DMRT3: variants seen among roughly 807,000 people sequenced by gnomAD.
DMRT3 encodes the protein doublesex and mab-3 related transcription factor 3.
A neutral mutation model predicts 34.9 loss-of-function variants in DMRT3; 29 were observed. That is an observed-to-expected ratio of 0.83 (90% CI 0.62 to 1.13). The LOEUF (loss-of-function observed/expected upper bound fraction) is 1.13. Among genes scored for constraint, DMRT3 ranks in the 50% most tolerant of loss-of-function variants. The pLI, the probability that DMRT3 is intolerant of heterozygous loss-of-function variation, is 0.00. For synonymous variants in DMRT3, 350 were observed against 286.0 expected, an observed-to-expected ratio of 1.22 and a Z score of -2.26; for missense variants, 772 against 629.1, an observed-to-expected ratio of 1.23 and a Z score of -2.43.
At chr9:988,017 T>C (rs961657035) in intron 1 of DMRT3, among the ~76,000 whole-genome samples, 3 of 152,196 alleles carry the variant, frequency 2.0e-5, no homozygotes, top group African/African-American at 4.8e-5. Flanking sequence ...AGAAGCCTTT[T>C]TGTTGCTGTT....
In DMRT3 at chr9:991,299, G is replaced by A. The variant is rs772400873; in HGVS notation, c.*294G>A. Reference sequence around the variant, plus strand: ...GTCCGTGGAAGATTTATTTGGGGATGTAAAGCTGAAGGTCAGCCTTGCACC... The same window carrying A: ...GTCCGTGGAAGATTTATTTGGGGATATAAAGCTGAAGGTCAGCCTTGCACC... On this transcript the variant is annotated 3_prime_UTR_variant, in exon 2 of 2. Coordinates refer to ENST00000190165, the MANE Select transcript of DMRT3 (RefSeq NM_021240.4). 3.7e-6 allele frequency: 1 copy of A among 271,714 alleles called. No individual in the cohort carries two copies. The highest frequency in any genetic ancestry group is 6.9e-6 in the Non-Finnish European group (1 of 145,312). 16.8% of individuals were successfully genotyped at this position (271,714 alleles called of 1,614,324 possible).
chr9:990,577 G>C lies in DMRT3; in HGVS notation c.991G>C (p.Gly331Arg), dbSNP rs979992174. Reference protein sequence around the residue: ...YPISSSKWSVGSAFRVPDTLR... With the variant: ...YPISSSKWSVRSAFRVPDTLR... ...CATCTCGTCTTCCAAATGGTCTGTG[G>C]GATCAGCCTTTCGAGTCCCAGACAC... Residue 331 changes from glycine to arginine, a missense_variant, in exon 2 of 2, where the codon GGA (glycine) becomes CGA (arginine). Physicochemically the swap from Gly to Arg is moderately radical, Grantham distance 125. Coordinates refer to ENST00000190165, the MANE Select transcript of DMRT3 (RefSeq NM_021240.4). The C allele has an allele frequency of 6.2e-7, 1 of 1,613,988 alleles. No individual in the cohort carries two copies. Among genetic ancestry groups the C allele is most frequent in the African/African-American group, 1.3e-5 (1 of 74,902 alleles).
chr9:979,748 G>C (rs1417105683), intron 1 of DMRT3, among the ~76,000 whole-genome samples: 1 of 152,184 alleles, frequency 6.6e-6, no homozygotes, highest in Admixed American at 6.5e-5. Context: ...TGGGGTTTAA[G>C]CTGAAGAAAA....
chr9:977,173 T>G lies in DMRT3; in HGVS notation c.172T>G (p.Cys58Gly). The G allele has an allele frequency of 6.2e-7, 1 of 1,610,716 alleles. No individual in the cohort carries two copies. The highest frequency in any genetic ancestry group is 8.5e-7 in the Non-Finnish European group (1 of 1,178,778). Residue 58 changes from cysteine to glycine, a missense_variant, in exon 1 of 2, where the codon TGC (cysteine) becomes GGC (glycine). Cys to Gly is a radical substitution (Grantham distance 159). Coordinates refer to ENST00000190165, the MANE Select transcript of DMRT3 (RefSeq NM_021240.4). ...CTTCAAGGACTGCACCTGCGAGAAG[T>G]GCATCCTCATCATCGAGCGGCAGCG... ...CRFKDCTCEK[C>G]ILIIERQRVM...
chr9:977,835 C>G (rs1048045728), intron 1 of DMRT3, among the ~76,000 whole-genome samples: 2 of 152,306 alleles, frequency 1.3e-5, no homozygotes, highest in Admixed American at 1.3e-4. Flanking sequence ...GTCGGATTTT[C>G]CTGGCTGCAG....
At position 990,460 on chromosome 9, in the gene DMRT3, G is replaced by A; in HGVS notation, c.874G>A (p.Val292Ile). Residue 292 changes from valine to isoleucine, a missense_variant, in exon 2 of 2, where the codon GTC becomes ATC. Transcript: ENST00000190165. Reference sequence around the variant, plus strand: ...AGTCCTTCTGTCCAGCCGATCCTCAGTCACGGGAGCAGAGCGAACTTCCGC... The same window carrying A: ...AGTCCTTCTGTCCAGCCGATCCTCAATCACGGGAGCAGAGCGAACTTCCGC... ...VEVLLSSRSS[V>I]TGAERTSAEP... is the part of the protein sequence containing the mutation. 2 of 1,614,184 alleles carry A rather than the reference G, an allele frequency of 1.2e-6. No homozygotes were observed. Among genetic ancestry groups the A allele is most frequent in the Non-Finnish European group, 1.7e-6 (2 of 1,180,028 alleles).
In DMRT3 at chr9:976,981, A is replaced by G; in HGVS notation, c.-21A>G. 1 of 1,462,946 alleles carries G rather than the reference A, an allele frequency of 6.8e-7. No individual in the cohort carries two copies. The highest frequency in any genetic ancestry group is 1.4e-5 in the South Asian group (1 of 72,908). The allele number at this position is 1,462,946 out of a possible 1,614,324, so 90.6% of individuals were successfully genotyped here. A position where few individuals can be genotyped will look rare whatever the true frequency, so the allele number is the denominator to read the frequency against. On this transcript the variant is annotated 5_prime_UTR_variant, in exon 1 of 2. Transcript: ENST00000190165. This position sits in a 1 kb window ranked among gnomAD's most constrained non-coding sequence, Gnocchi z 4.5. Reference sequence around the variant, plus strand: ...GCCCTCTCCCGCAGCCAGGCTGCCAACTCATTCGGGAGCCCGGGGCATGAA... The same window carrying G: ...GCCCTCTCCCGCAGCCAGGCTGCCAGCTCATTCGGGAGCCCGGGGCATGAA...
chr9:977,067 C>A lies in DMRT3; in HGVS notation c.66C>A (p.Pro22=). The change falls in exon 1 of 2, where the codon CCC becomes CCA. Residue 22 remains proline (P), a synonymous_variant. Coordinates refer to ENST00000190165, the MANE Select transcript of DMRT3 (RefSeq NM_021240.4). ...CGGTGTCGCAGCCGCCACGGGCGCC[C>A]CTGCAGCGCACGCCCAAGTGCGCGC... The part of the protein sequence containing the change: ...GGPVSQPPRA[P]LQRTPKCARC... The A allele has an allele frequency of 6.3e-7, 1 of 1,586,514 alleles. No individual in the cohort carries two copies. Among genetic ancestry groups the A allele is most frequent in the Non-Finnish European group, 8.6e-7 (1 of 1,167,660 alleles).
chr9:986,797 G>A (rs147580680), intron 1 of DMRT3, among the ~76,000 whole-genome samples: 3 of 151,438 alleles, frequency 2.0e-5, no homozygotes, highest in Admixed American at 6.6e-5. Context: ...AGGCTGACGC[G>A]GGAGAATCAC....
At chr9:979,776 C>T (rs1464479114) in intron 1 of DMRT3, among the ~76,000 whole-genome samples, 1 of 152,142 alleles carries the variant, frequency 6.6e-6, no homozygotes, top group Non-Finnish European at 1.5e-5. Context: ...CTGAGACTGC[C>T]TGTTGCTATA....
At chr9:981,941 C>G (rs907707131) in intron 1 of DMRT3, among the ~76,000 whole-genome samples, 1 of 152,212 alleles carries the variant, frequency 6.6e-6, no homozygotes, top group East Asian at 1.9e-4. Context: ...CCACCACTCC[C>G]TCTCTGCTCT....
intron 1 of DMRT3, among the ~76,000 whole-genome samples, chr9:980,937 C>G (rs1820209300): frequency 6.6e-6 from 1 of 152,170 alleles, no homozygotes; most frequent in African/African-American, 2.4e-5. Flanking sequence ...AGATCTGTGG[C>G]TGTAGACTCT....
chr9:989,983 C>A, intron 1 of DMRT3, 58 bp from the exon 2 acceptor site: 2 of 1,591,052 alleles, frequency 1.3e-6, no homozygotes, highest in Non-Finnish European at 1.7e-6. Context: ...CTTCTGAGCA[C>A]ATCTGCTCCT....
chr9:988,177 A>G (rs1307066446), intron 1 of DMRT3, among the ~76,000 whole-genome samples: 1 of 152,222 alleles, frequency 6.6e-6, no homozygotes, highest in Non-Finnish European at 1.5e-5. Context: ...CTTTCTATAG[A>G]GTCATTATAT....
chr9:984,913 T>C (rs1820265425), intron 1 of DMRT3, among the ~76,000 whole-genome samples: 1 of 152,216 alleles, frequency 6.6e-6, no homozygotes. Context: ...ACTGTAATTT[T>C]AGATTGAAAG....
intron 1 of DMRT3, among the ~76,000 whole-genome samples, chr9:980,457 G>A (rs1399779931): frequency 8.3e-6 from 1 of 121,172 alleles, no homozygotes; most frequent in African/African-American, 2.9e-5. Flanking sequence ...TACCATCTAC[G>A]ATGGACCTGG....
intron 1 of DMRT3, among the ~76,000 whole-genome samples, chr9:981,779 C>T (rs1279388094): frequency 6.6e-6 from 1 of 152,176 alleles, no homozygotes; most frequent in East Asian, 1.9e-4. Context: ...CTCCTTGCAC[C>T]AGGGGGTCGG....
Position 990,215 on chromosome 9 carries a change from A to G in DMRT3, c.629A>G (p.Asn210Ser). 2 of 1,613,960 alleles carry G rather than the reference A, an allele frequency of 1.2e-6. No homozygotes were observed. Among genetic ancestry groups the G allele is most frequent in the South Asian group, 1.1e-5 (1 of 91,062 alleles). Residue 210 changes from asparagine to serine, a missense_variant, in exon 2 of 2, where the codon AAC becomes AGC. Asn to Ser is a conservative substitution (Grantham distance 46). Coordinates refer to ENST00000190165, the MANE Select transcript of DMRT3 (RefSeq NM_021240.4). ...GAAGGGGGATACGCTGTCCAGAAAA[A>G]CGGAGGCAACCCCGAGAGCCGCCCT... ...VEEGGYAVQK[N>S]GGNPESRPDS... is the part of the protein sequence containing the mutation.
rs912459257 is a variant in DMRT3, at chr9:989,029, G to C, written c.455-1012G>C. On this transcript the variant is annotated intron_variant, in intron 1 of 1. Coordinates refer to ENST00000190165, the MANE Select transcript of DMRT3 (RefSeq NM_021240.4). ...TTAAGTAAAAATGTTCTTAGGTCAAGATGTTAAATTTGCAACTGGTTTACT... is the reference window on the plus strand; with the variant it reads ...TTAAGTAAAAATGTTCTTAGGTCAACATGTTAAATTTGCAACTGGTTTACT... Among the ~76,000 whole-genome samples, 4 of 152,188 alleles carry C rather than the reference G, an allele frequency of 2.6e-5. No homozygotes were observed. In the East Asian group the frequency reaches 5.8e-4, roughly 22 times the overall value.
Sources: allele counts gnomAD v4.1 joint callset (sites outside exome capture counted in the v4.1 genomes callset), GRCh38; gene constraint gnomAD v4.1.1; non-coding constraint Gnocchi (gnomAD v3.1); transcripts MANE v1.5; gene names NCBI Gene and HGNC (gene_info 2026-07-23, HGNC 2026-07-21).